ALG12: variants seen among roughly 807,000 people sequenced by gnomAD.
ALG12 encodes ALG12 alpha-1,6-mannosyltransferase.
A neutral mutation model predicts 46.0 loss-of-function variants in ALG12; 36 were observed. That is an observed-to-expected ratio of 0.78 (90% CI 0.60 to 1.03). The LOEUF (loss-of-function observed/expected upper bound fraction) is 1.03. Among genes scored for constraint, ALG12 ranks in the 50% least tolerant of loss-of-function variants. The pLI, the probability that ALG12 is intolerant of heterozygous loss-of-function variation, is 0.00. For missense variants in ALG12, 599 were observed against 633.5 expected (o/e 0.95, Z 0.58); for synonymous variants, 326 against 291.6 (o/e 1.12, Z -1.20).
the ALG12 span, chr22:49,886,387 A>G: frequency 2.5e-6 from 4 of 1,609,464 alleles, no homozygotes; most frequent in Non-Finnish European, 3.4e-6. The surrounding 1 kb of genome is among the most constrained non-coding windows in gnomAD (Gnocchi z 7.7). Flanking sequence ...GAAAAGGGCC[A>G]TTAACGAGAT....
At chr22:49,897,812 C>T (rs559320634), downstream of ALG12, among the ~76,000 whole-genome samples, 12 of 151,592 alleles carry the variant, frequency 7.9e-5, no homozygotes, top group East Asian at 9.7e-4. Context: ...CCCACCACCA[C>T]GCCCGGATAA....
chr22:49,917,455 G>A (rs1382051386), intron 1 of ALG12, among the ~76,000 whole-genome samples: 1 of 152,214 alleles, frequency 6.6e-6, no homozygotes, highest in East Asian at 1.9e-4. Flanking sequence ...CAGATCGCTT[G>A]AGGTCAGGAC....
the ALG12 span, among the ~76,000 whole-genome samples, chr22:49,877,517 C>T: frequency 6.6e-6 from 1 of 152,050 alleles, no homozygotes; most frequent in Non-Finnish European, 1.5e-5. Flanking sequence ...GTCTTGAACT[C>T]CTGACCTCGT....
chr22:49,875,180 A>G, the ALG12 span, among the ~76,000 whole-genome samples: 1 of 151,994 alleles, frequency 6.6e-6, no homozygotes, highest in Non-Finnish European at 1.5e-5. Context: ...CTGCTGATAT[A>G]AAGAATTGGG....
downstream of ALG12, among the ~76,000 whole-genome samples, chr22:49,899,231 G>T (rs2060494522): frequency 6.6e-6 from 1 of 152,114 alleles, no homozygotes; most frequent in Non-Finnish European, 1.5e-5. Context: ...CCAGCATTTT[G>T]GGTGGGAGGC....
the ALG12 span, chr22:49,885,120 G>A: frequency 6.2e-7 from 1 of 1,614,080 alleles, no homozygotes; most frequent in South Asian, 1.1e-5. Flanking sequence ...CCATCAGCCG[G>A]GGGAAGAAGG....
chr22:49,868,250 C>G, the ALG12 span, among the ~76,000 whole-genome samples: 3 of 152,062 alleles, frequency 2.0e-5, no homozygotes, highest in Non-Finnish European at 2.9e-5. Flanking sequence ...TTTGGGGAAA[C>G]TAAAAAATAA....
At chr22:49,914,108 A>T (rs2060596962) in intron 1 of ALG12, among the ~76,000 whole-genome samples, 1 of 152,244 alleles carries the variant, frequency 6.6e-6, no homozygotes, top group Non-Finnish European at 1.5e-5. Context: ...GAGTCTGACC[A>T]GGCCTGGGCC....
At chr22:49,873,658 G>A in the ALG12 span, among the ~76,000 whole-genome samples, 1 of 151,396 alleles carries the variant, frequency 6.6e-6, no homozygotes, top group Non-Finnish European at 1.5e-5. Flanking sequence ...AAAAGTATCT[G>A]CAAAGAGCAG....
At position 49,910,550 on chromosome 22, in the gene ALG12, A is replaced by G; in HGVS notation, c.353T>C (p.Val118Ala). The change falls in exon 4 of 10, where the codon GTG (valine) becomes GCG (alanine). Residue 118 changes from valine to alanine, a missense_variant. Coordinates refer to ENST00000330817, the MANE Select transcript of ALG12 (RefSeq NM_024105.4). ...IFGLWTLQKE[V>A]RRHFGAMVAT... ...CACCATGGCCCCGAAGTGCCGTCTC[A>G]CTTCCTTTTGTAACGTCCAGAGTCC... The G allele has an allele frequency of 6.2e-7, 1 of 1,614,102 alleles. No individual in the cohort carries two copies. The highest frequency in any genetic ancestry group is 1.1e-5 in the South Asian group (1 of 91,088).
the ALG12 span, among the ~76,000 whole-genome samples, chr22:49,894,368 A>T: frequency 6.6e-6 from 1 of 152,240 alleles, no homozygotes; most frequent in Non-Finnish European, 1.5e-5. Context: ...AGCATATTAA[A>T]TGTAAGTGGA....
chr22:49,862,062 C>T, the ALG12 span, among the ~76,000 whole-genome samples: 1 of 152,166 alleles, frequency 6.6e-6, no homozygotes, highest in Non-Finnish European at 1.5e-5. Flanking sequence ...GTATCTTGAA[C>T]GGGTTTTCAT....
At chr22:49,884,760 G>C in the ALG12 span, 8 of 1,597,156 alleles carry the variant, frequency 5.0e-6, no homozygotes, top group Middle Eastern at 1.7e-4. Flanking sequence ...TGCCGCCGGA[G>C]GGGGAGCTCA....
downstream of ALG12, among the ~76,000 whole-genome samples, chr22:49,895,418 G>A (rs577858497): frequency 4.6e-5 from 7 of 152,220 alleles, no homozygotes; most frequent in East Asian, 1.9e-4. Flanking sequence ...TTGGGAGGCC[G>A]AGGTGGGTGG....
the ALG12 span, among the ~76,000 whole-genome samples, chr22:49,892,615 G>A: frequency 1.3e-5 from 2 of 152,228 alleles, no homozygotes; most frequent in Admixed American, 6.5e-5. Flanking sequence ...TGGGACTTCA[G>A]TGCCTGCCAT....
Position 49,916,259 on chromosome 22 carries a change from A to T in ALG12, c.-79+2004T>A, listed in dbSNP as rs149060749. Among the ~76,000 whole-genome samples, 1,231 of 151,034 alleles carry T rather than the reference A, an allele frequency of 8.2e-3. 19 individuals are homozygous for T. The highest frequency in any genetic ancestry group is 0.029 in the African/African-American group (1,197 of 41,104). On this transcript the variant is annotated intron_variant, in intron 1 of 9. Coordinates refer to ENST00000330817, the MANE Select transcript of ALG12 (RefSeq NM_024105.4). ...CAGAGCAAGACTCCATCTCAAAAATAAATAAATAAATTAATTAAATTAAAT... is the reference window on the plus strand; with the variant it reads ...CAGAGCAAGACTCCATCTCAAAAATTAATAAATAAATTAATTAAATTAAAT...
the ALG12 span, among the ~76,000 whole-genome samples, chr22:49,870,505 T>G: frequency 1.3e-5 from 2 of 152,210 alleles, no homozygotes; most frequent in Non-Finnish European, 2.9e-5. Flanking sequence ...TTTCTTTTTT[T>G]AATAAAAGCC....
the ALG12 span, among the ~76,000 whole-genome samples, chr22:49,878,746 G>A: frequency 6.6e-6 from 1 of 152,098 alleles, no homozygotes; most frequent in Admixed American, 6.5e-5. Flanking sequence ...AAATACACTA[G>A]TAAAAGAATT....
chr22:49,896,645 A>T (rs893813173), downstream of ALG12, among the ~76,000 whole-genome samples: 1 of 151,668 alleles, frequency 6.6e-6, no homozygotes, highest in Non-Finnish European at 1.5e-5. Context: ...ATTATTTTTT[A>T]TTTATTTTGA....
Sources: gnomAD v4.1 joint callset for allele counts (sites outside exome capture counted in the v4.1 genomes callset) on GRCh38, gnomAD v4.1.1 for gene constraint, Gnocchi (gnomAD v3.1) non-coding constraint, MANE v1.5 for transcripts, NCBI Gene and HGNC (gene_info 2026-07-23, HGNC 2026-07-21) for gene names.